TMEM232: variants seen among roughly 807,000 people sequenced by gnomAD.
TMEM232 encodes transmembrane protein 232.
A neutral mutation model predicts 78.8 loss-of-function variants in TMEM232; 80 were observed. The ratio of observed to expected loss-of-function variants is 1.01; its 90% CI spans 0.85 to 1.22. The LOEUF (loss-of-function observed/expected upper bound fraction) is 1.22. Ranked by LOEUF, TMEM232 falls within the 50% of genes most tolerant of loss-of-function variation. The probability of loss-of-function intolerance (pLI) is 0.00; values close to 1 mark genes in which losing one functional copy is unlikely to be tolerated. For missense variants in TMEM232, 881 were observed against 742.2 expected, an observed-to-expected ratio of 1.19 and a Z score of -2.17; for synonymous variants, 297 against 254.3, an observed-to-expected ratio of 1.17 and a Z score of -1.60.
chr5:110,532,883 T>C (rs1771760755), intron 11 of TMEM232, among the ~76,000 whole-genome samples: 1 of 152,224 alleles, frequency 6.6e-6, no homozygotes, highest in African/African-American at 2.4e-5. Flanking sequence ...ACTCGCTTGC[T>C]ACAGCATGGC....
chr5:110,559,374 A>G (rs1775493638), intron 11 of TMEM232, among the ~76,000 whole-genome samples: 1 of 152,146 alleles, frequency 6.6e-6, no homozygotes, highest in Admixed American at 6.6e-5. Flanking sequence ...AGCTCTATTC[A>G]TGAAATTAAA....
At chr5:110,670,312 A>G (rs1397691025) in intron 1 of TMEM232, among the ~76,000 whole-genome samples, 1 of 152,204 alleles carries the variant, frequency 6.6e-6, no homozygotes, top group Non-Finnish European at 1.5e-5. Flanking sequence ...ATGTGCAAAA[A>G]TCACAAGCAT....
chr5:110,523,977 CG>C (rs1442004715), intron 12 of TMEM232, among the ~76,000 whole-genome samples: 11 of 15,586 alleles, frequency 7.1e-4, no homozygotes, highest in African/African-American at 2.8e-3. Flanking sequence ...GGGGGGGGGG[CG>C]GGGGGGCTGG....
At chr5:110,438,577 G>T (rs980196080) in intron 12 of TMEM232, among the ~76,000 whole-genome samples, 2 of 151,840 alleles carry the variant, frequency 1.3e-5, no homozygotes, top group Admixed American at 1.3e-4. Flanking sequence ...TTACTAGGGT[G>T]GTAAGGGAAA....
At chr5:110,524,363 AAAAG>A (rs756039290) in intron 12 of TMEM232, among the ~76,000 whole-genome samples, 8,209 of 120,002 alleles carry the variant, frequency 0.068, 375 homozygotes, top group Middle Eastern at 0.13. Context: ...AAGAAAGAAA[AAAAG>A]AAAGAAAGAA....
chr5:110,459,684 T>C (rs1761289047), intron 12 of TMEM232, among the ~76,000 whole-genome samples: 1 of 152,150 alleles, frequency 6.6e-6, no homozygotes, highest in Non-Finnish European at 1.5e-5. Flanking sequence ...TTAGAGTGTG[T>C]CAAAATATTT....
At chr5:110,526,601 G>A (rs1181261316) in intron 12 of TMEM232, among the ~76,000 whole-genome samples, 1 of 151,858 alleles carries the variant, frequency 6.6e-6, no homozygotes, top group African/African-American at 2.4e-5. Context: ...ATATATTACT[G>A]GTGAGGATAT....
chr5:110,647,960 C>A (rs1343897005), intron 2 of TMEM232, among the ~76,000 whole-genome samples: 1 of 151,634 alleles, frequency 6.6e-6, no homozygotes, highest in East Asian at 1.9e-4. Flanking sequence ...ACTGTGTCTT[C>A]CAAAAAATGA....
At chr5:110,621,487 A>G (rs1176924804) in intron 7 of TMEM232, among the ~76,000 whole-genome samples, 1 of 152,178 alleles carries the variant, frequency 6.6e-6, no homozygotes, top group Non-Finnish European at 1.5e-5. Flanking sequence ...ATTAAAAATT[A>G]AAGCTTGTGT....
intron 10 of TMEM232, among the ~76,000 whole-genome samples, chr5:110,600,891 C>T (rs1300634824): frequency 6.6e-6 from 1 of 152,088 alleles, no homozygotes; most frequent in Non-Finnish European, 1.5e-5. Context: ...CTGATGAACA[C>T]CGATGTGAAA....
At chr5:110,596,798 T>C (rs1351867628) in intron 10 of TMEM232, among the ~76,000 whole-genome samples, 1 of 152,166 alleles carries the variant, frequency 6.6e-6, no homozygotes, top group Non-Finnish European at 1.5e-5. Context: ...GAAAAGGCCT[T>C]TGACAAAATG....
chr5:110,605,324 GCC>G lies in TMEM232; in HGVS notation c.1059_1060del (p.Trp353CysfsTer23). On this transcript the variant is annotated frameshift_variant, in exon 10 of 14. Coordinates refer to ENST00000455884, the MANE Select transcript of TMEM232 (RefSeq NM_001039763.4). LOFTEE classifies it high-confidence loss of function. The stretch of plus-strand genomic sequence containing the variant: ...TGTATATATGTAGACTACATTCCAG[GCC>G]CAGGAAAAATCATCTACCTTGCAAC... 6.5e-7 allele frequency: 1 copy of G among 1,545,886 alleles called. No individual in the cohort carries two copies. Among genetic ancestry groups the G allele is most frequent in the East Asian group, 2.5e-5 (1 of 40,764 alleles).
intron 12 of TMEM232, among the ~76,000 whole-genome samples, chr5:110,431,900 T>C (rs942049084): frequency 6.6e-6 from 1 of 151,844 alleles, no homozygotes; most frequent in Middle Eastern, 3.4e-3. Flanking sequence ...AGAATGTTCC[T>C]AGCAGCATTG....
intron 3 of TMEM232, among the ~76,000 whole-genome samples, chr5:110,394,888 C>T (rs1243673351): frequency 6.6e-6 from 1 of 152,118 alleles, no homozygotes; most frequent in Non-Finnish European, 1.5e-5. Flanking sequence ...TCTGCATGCT[C>T]TTGCTCCCCT....
intron 1 of TMEM232, among the ~76,000 whole-genome samples, chr5:110,721,294 C>T (rs1797576268): frequency 6.6e-6 from 1 of 152,054 alleles, no homozygotes; most frequent in African/African-American, 2.4e-5. Flanking sequence ...CCCTGGCATT[C>T]AGCTTTCTAA....
chr5:110,418,977 G>T (rs1231909541), downstream of TMEM232, among the ~76,000 whole-genome samples: 9 of 152,128 alleles, frequency 5.9e-5, 1 homozygote, highest in Admixed American at 5.9e-4. Context: ...TCAGAGTTTG[G>T]TAAGGCTCAT....
rs776789106 is a variant in TMEM232 at position 110,606,184 on chromosome 5, T to A, written c.1006A>T (p.Ile336Phe). The A allele has an allele frequency of 6.5e-7, 1 of 1,547,838 alleles. No individual in the cohort carries two copies. The highest frequency in any genetic ancestry group is 8.7e-7 in the Non-Finnish European group (1 of 1,144,440). ...GTTACCTGATTTTGAACAGACATAA[T>A]GCTTGAAACAAAATCTCTCACTACG... ...MDVVRDFVSS[I>F]MSVQNQEESC... The change falls in exon 9 of 14, where the codon ATT becomes TTT. Residue 336 changes from isoleucine to phenylalanine, a missense_variant. Ile to Phe is a conservative substitution (Grantham distance 21). Transcript: ENST00000455884.
chr5:110,470,314 A>T (rs187381905), intron 12 of TMEM232, among the ~76,000 whole-genome samples: 119 of 152,252 alleles, frequency 7.8e-4, no homozygotes, highest in African/African-American at 2.8e-3. Context: ...TCACAGTCAC[A>T]GACCATGGTT....
rs573717107 is a variant in TMEM232, at chr5:110,667,295, G to A, written c.58C>T (p.Pro20Ser). 2 of 1,542,466 alleles carry A rather than the reference G, an allele frequency of 1.3e-6. No homozygotes were observed. Among genetic ancestry groups the A allele is most frequent in the Non-Finnish European group, 1.8e-6 (2 of 1,140,778 alleles). Residue 20 changes from proline to serine, a missense_variant, in exon 2 of 14, where the codon CCT (proline) becomes TCT (serine). Pro to Ser is a moderately conservative substitution (Grantham distance 74). Transcript: ENST00000455884. ...AATTTCCAGAGCTCTTCATGATAAG[G>A]GGAAGATATGCCTCCACATGTATTA... ...MINTCGGISS[P>S]YHEELWKLNF... is the part of the protein sequence containing the mutation.
Sources: allele counts gnomAD v4.1 joint callset (sites outside exome capture counted in the v4.1 genomes callset), GRCh38; gene constraint gnomAD v4.1.1; transcripts MANE v1.5; gene names NCBI Gene and HGNC (gene_info 2026-07-23, HGNC 2026-07-21).